Variants in TM9SF2 observed in about 807,000 individuals in gnomAD.
TM9SF2 encodes transmembrane 9 superfamily member 2.
In TM9SF2, 13 loss-of-function variants were observed where a neutral mutation model predicts 84.9. That is an observed-to-expected ratio of 0.15 (90% CI 0.10 to 0.24). The LOEUF is 0.24. Among genes scored for constraint, TM9SF2 ranks in the 10% least tolerant of loss-of-function variants. The probability of loss-of-function intolerance (pLI) is 1.00; values close to 1 mark genes in which losing one functional copy is unlikely to be tolerated. For synonymous variants in TM9SF2, 273 were observed against 285.8 expected (o/e 0.96, Z 0.45); for missense variants, 562 against 818.5 (o/e 0.69, Z 3.82).
intron 3 of TM9SF2, among the ~76,000 whole-genome samples, chr13:99,520,398 C>T (rs111395586): frequency 2.6e-4 from 39 of 152,260 alleles, no homozygotes; most frequent in African/African-American, 5.1e-4. Context: ...TGCTCTGCCT[C>T]CTTTACAGAG....
rs370291931 is a variant in TM9SF2, at chr13:99,529,519, A to G, written c.386A>G (p.His129Arg). 60 of 1,597,480 alleles carry G rather than the reference A, an allele frequency of 3.8e-5. No homozygotes were observed. Among genetic ancestry groups the G allele is most frequent in the Non-Finnish European group, 4.9e-5 (58 of 1,174,886 alleles). ...AAGCTTGTTTGTACAAAAACATACC[A>G]TACAGAGAAAGCTGAAGACAAACAA... Reference protein sequence around the residue: ...TCKLVCTKTYHTEKAEDKQKL... With the variant: ...TCKLVCTKTYRTEKAEDKQKL... The change falls in exon 4 of 17, where the codon CAT becomes CGT. Residue 129 changes from histidine (H) to arginine (R), a missense_variant. His to Arg is a conservative substitution (Grantham distance 29). Around this residue, in one of 4 missense-constraint regions of TM9SF2, gnomAD observed 267 missense variants for 316.7 expected, o/e 0.84. Coordinates refer to ENST00000376387, the MANE Select transcript of TM9SF2 (RefSeq NM_004800.3).
chr13:99,532,339 C>T (rs1019942840), intron 4 of TM9SF2, among the ~76,000 whole-genome samples: 2 of 151,994 alleles, frequency 1.3e-5, no homozygotes, highest in African/African-American at 2.4e-5. Flanking sequence ...TGTGAGCCAC[C>T]GCGCCCGGCC....
chr13:99,552,053 T>G, intron 12 of TM9SF2, 114 bp from the exon 13 acceptor site: 1 of 1,008,946 alleles, frequency 9.9e-7, no homozygotes, highest in Non-Finnish European at 1.4e-6. Flanking sequence ...GATGCAGCAA[T>G]TCCACTTTCT....
At chr13:99,529,162 C>T (rs1165410456) in intron 3 of TM9SF2, among the ~76,000 whole-genome samples, 1 of 152,048 alleles carries the variant, frequency 6.6e-6, no homozygotes, top group Admixed American at 6.6e-5. Flanking sequence ...GACTAAAGTT[C>T]CATTTTTGTT....
Position 99,501,683 on chromosome 13 carries a change from C to A in TM9SF2, c.77C>A (p.Ala26Glu). 1 of 1,613,036 alleles carries A rather than the reference C, an allele frequency of 6.2e-7. No individual in the cohort carries two copies. The highest frequency in any genetic ancestry group is 8.5e-7 in the Non-Finnish European group (1 of 1,179,758). The part of the protein sequence containing the change: ...LLLLSLLLLG[A>E]VPGPRRSGAF... ...CTGCTGTCGCTGCTCCTGCTGGGGG[C>A]GGTTCCTGGCCCGCGCCGGAGCGGC... The change falls in exon 1 of 17, where the codon GCG (alanine) becomes GAG (glutamate). Residue 26 changes from alanine (A) to glutamate (E), a missense_variant. Coordinates refer to ENST00000376387, the MANE Select transcript of TM9SF2 (RefSeq NM_004800.3).
At chr13:99,533,949 G>A (rs939279380) in intron 4 of TM9SF2, among the ~76,000 whole-genome samples, 4 of 152,154 alleles carry the variant, frequency 2.6e-5, no homozygotes, top group African/African-American at 7.2e-5. Context: ...GATTACAGGC[G>A]CGAGCCACCG....
intron 13 of TM9SF2, 73 bp from the exon 14 acceptor site, chr13:99,554,231 A>G: frequency 1.3e-6 from 2 of 1,530,476 alleles, no homozygotes; most frequent in Non-Finnish European, 1.8e-6. Flanking sequence ...AAGCAGGCAA[A>G]TAATCTCGTG....
intron 11 of TM9SF2, among the ~76,000 whole-genome samples, chr13:99,547,384 G>C (rs1282240913): frequency 6.6e-6 from 1 of 152,136 alleles, no homozygotes; most frequent in African/African-American, 2.4e-5. Flanking sequence ...AGGTTGGGCT[G>C]AACAGCTTAG....
intron 3 of TM9SF2, among the ~76,000 whole-genome samples, chr13:99,524,010 A>G (rs750179185): frequency 3.9e-5 from 6 of 152,160 alleles, no homozygotes; most frequent in Non-Finnish European, 8.8e-5. Flanking sequence ...GAGAGGCCCC[A>G]AGGTGTGTAA....
At chr13:99,547,195 G>GT in intron 11 of TM9SF2, 91 bp downstream of exon 11, 1 of 1,559,114 alleles carries the variant, frequency 6.4e-7, no homozygotes. Context: ...GTGATGCTTT[G>GT]TAAATAGTGT....
At chr13:99,536,838 A>G (rs997229826) in intron 5 of TM9SF2, 101 bp downstream of exon 5, 2 of 1,342,690 alleles carry the variant, frequency 1.5e-6, no homozygotes, top group African/African-American at 1.5e-5. Context: ...GAATGAGTGT[A>G]CAGTTCAGAT....
chr13:99,560,233 G>A (rs61404370), intron 16 of TM9SF2, among the ~76,000 whole-genome samples: 3,768 of 152,184 alleles, frequency 0.025, 162 homozygotes, highest in African/African-American at 0.086. Context: ...GCATGTCATG[G>A]AAGAAAATGC....
chr13:99,545,705 T>C (rs1009108342), intron 10 of TM9SF2, among the ~76,000 whole-genome samples: 2 of 152,108 alleles, frequency 1.3e-5, no homozygotes, highest in Non-Finnish European at 2.9e-5. Context: ...TAGCTGGGAT[T>C]ACAGGCGCCT....
intron 10 of TM9SF2, among the ~76,000 whole-genome samples, chr13:99,544,342 C>CA (rs746029393): frequency 0.19 from 22,607 of 122,084 alleles, 2,048 homozygotes; most frequent in Non-Finnish European, 0.2. Context: ...GACTCCATCT[C>CA]AAAAAAAAAA....
At position 99,501,538 on chromosome 13, in the gene TM9SF2, C is replaced by T; in HGVS notation, c.-69C>T. 1.3e-6 allele frequency: 2 copies of T among 1,551,142 alleles called. No individual in the cohort carries two copies. Among genetic ancestry groups the T allele is most frequent in the African/African-American group, 1.4e-5 (1 of 72,018 alleles). On this transcript the variant is annotated 5_prime_UTR_variant, in exon 1 of 17. Transcript: ENST00000376387. ...TCTCTGGCGGCCTTGTAGTCGTCTC[C>T]GAGACTCCCCACCCCTCCTTCCCTC...
intron 1 of TM9SF2, among the ~76,000 whole-genome samples, chr13:99,515,694 G>A (rs9585108): frequency 1.2e-3 from 175 of 149,458 alleles, no homozygotes; most frequent in African/African-American, 4.1e-3. Context: ...CTTTGTAAAC[G>A]TTAACTTATT....
At chr13:99,512,244 G>T (rs2046116477) in intron 1 of TM9SF2, among the ~76,000 whole-genome samples, 2 of 152,142 alleles carry the variant, frequency 1.3e-5, no homozygotes, top group African/African-American at 4.8e-5. Context: ...TATAGTTATT[G>T]TGTGCCAATT....
chr13:99,515,599 T>G (rs2046130486), intron 1 of TM9SF2, among the ~76,000 whole-genome samples: 1 of 152,220 alleles, frequency 6.6e-6, no homozygotes, highest in South Asian at 2.1e-4. Flanking sequence ...GGATGAACAC[T>G]TCCCTCTTCT....
chr13:99,529,728 C>T (rs865988304), intron 4 of TM9SF2, 134 bp downstream of exon 4: 175 of 959,488 alleles, frequency 1.8e-4, no homozygotes, highest in Middle Eastern at 1.1e-3. Context: ...TACTAGTGGT[C>T]GTAGCTTGAA....
Sources: gnomAD v4.1 joint callset for allele counts (sites outside exome capture counted in the v4.1 genomes callset) on GRCh38, gnomAD v4.1.1 for gene constraint, gnomAD v4.1.1 regional missense constraint, MANE v1.5 for transcripts, NCBI Gene and HGNC (gene_info 2026-07-23, HGNC 2026-07-21) for gene names.